Variants in SND1 observed in about 807,000 individuals in gnomAD.
SND1 encodes staphylococcal nuclease and tudor domain containing 1.
Under a neutral mutation model 121.7 loss-of-function variants are expected in SND1, and 38 were observed. The ratio of observed to expected loss-of-function variants is 0.31; its 90% CI spans 0.24 to 0.41. The LOEUF (loss-of-function observed/expected upper bound fraction) is 0.41. SND1 is among the 10% of genes least tolerant of loss of function. The pLI, the probability that SND1 is intolerant of heterozygous loss-of-function variation, is 1.00. For synonymous variants in SND1, 401 were observed against 447.4 expected (o/e 0.90, Z 1.31); for missense variants, 868 against 1,184.6 (o/e 0.73, Z 3.92).
chr7:127,828,117 C>T (rs1210655514), intron 11 of SND1, among the ~76,000 whole-genome samples: 1 of 152,144 alleles, frequency 6.6e-6, no homozygotes, highest in Non-Finnish European at 1.5e-5. Flanking sequence ...CTGCCTCAGC[C>T]TCCCAAGTAG....
intron 14 of SND1, among the ~76,000 whole-genome samples, chr7:127,925,794 C>T (rs1386752428): frequency 2.0e-5 from 3 of 151,898 alleles, no homozygotes; most frequent in East Asian, 3.9e-4. Flanking sequence ...AGGGTTTCAC[C>T]ATGTTGGCCA....
intron 10 of SND1, among the ~76,000 whole-genome samples, chr7:127,731,671 A>G (rs1587626536): frequency 6.6e-6 from 1 of 152,316 alleles, no homozygotes; most frequent in Non-Finnish European, 1.5e-5. Context: ...CCGGAGGTGC[A>G]TAGCCTCAGC....
At chr7:127,839,292 GCT>G (rs1478376227) in intron 11 of SND1, among the ~76,000 whole-genome samples, 1 of 152,100 alleles carries the variant, frequency 6.6e-6, no homozygotes, top group African/African-American at 2.4e-5. Flanking sequence ...TGTTTATTTA[GCT>G]CTTTGTGAAT....
At chr7:127,668,798 C>T (rs939945690) in intron 1 of SND1, among the ~76,000 whole-genome samples, 3 of 152,206 alleles carry the variant, frequency 2.0e-5, no homozygotes, top group African/African-American at 7.2e-5. Flanking sequence ...TCGGCATGAT[C>T]TCTAGGCAAG....
chr7:128,047,171 T>C (rs1284237369), intron 16 of SND1, among the ~76,000 whole-genome samples: 1 of 152,218 alleles, frequency 6.6e-6, no homozygotes, highest in Non-Finnish European at 1.5e-5. Context: ...AAATGACTTA[T>C]ACCAGTCAGC....
intron 1 of SND1, among the ~76,000 whole-genome samples, chr7:127,683,401 G>C (rs1481158670): frequency 1.3e-5 from 2 of 152,146 alleles, no homozygotes; most frequent in African/African-American, 4.8e-5. Flanking sequence ...ATTTTTAGTA[G>C]AGATGAGGTC....
chr7:127,957,774 C>T (rs1002292095), intron 15 of SND1, among the ~76,000 whole-genome samples: 3 of 152,186 alleles, frequency 2.0e-5, no homozygotes, highest in African/African-American at 7.2e-5. Context: ...AATCTCGGCT[C>T]ACTGCAACCT....
intron 10 of SND1, among the ~76,000 whole-genome samples, chr7:127,722,150 G>GT (rs948439863): frequency 1.3e-5 from 2 of 152,094 alleles, no homozygotes; most frequent in African/African-American, 4.8e-5. Context: ...TCCCGCTTCT[G>GT]TTTTTGTCGT....
chr7:127,920,569 A>T (rs1262449131), intron 14 of SND1, among the ~76,000 whole-genome samples: 1 of 152,156 alleles, frequency 6.6e-6, no homozygotes, highest in Non-Finnish European at 1.5e-5. Context: ...ACAGTTTGGG[A>T]TGAGGTAGGG....
chr7:127,922,352 C>T (rs1584668658), intron 14 of SND1, among the ~76,000 whole-genome samples: 2 of 151,894 alleles, frequency 1.3e-5, no homozygotes, highest in Admixed American at 6.6e-5. Flanking sequence ...ATCTATTCCT[C>T]TAACATTATT....
At chr7:127,751,872 T>C (rs1797103450) in intron 10 of SND1, among the ~76,000 whole-genome samples, 1 of 152,146 alleles carries the variant, frequency 6.6e-6, no homozygotes, top group East Asian at 1.9e-4. Flanking sequence ...CAGCCGGAGC[T>C]CTTAGTGAGG....
At chr7:127,914,018 G>T (rs2116785057) in intron 14 of SND1, among the ~76,000 whole-genome samples, 1 of 152,286 alleles carries the variant, frequency 6.6e-6, no homozygotes, top group South Asian at 2.1e-4. Context: ...GGGTTGCTTT[G>T]AAATGCCCTG....
At chr7:128,030,265 T>G in intron 16 of SND1, 1 of 1,614,034 alleles carries the variant, frequency 6.2e-7, no homozygotes, top group Non-Finnish European at 8.5e-7. Context: ...TCCAGGGTGT[T>G]GAGGCTGGCC....
intron 16 of SND1, among the ~76,000 whole-genome samples, chr7:128,055,035 A>T (rs73721290): frequency 0.017 from 2,588 of 152,342 alleles, 87 homozygotes; most frequent in African/African-American, 0.059. Context: ...CAGGATGGTT[A>T]TGAGTTTTAA....
chr7:128,092,215 CG>C lies in SND1; in HGVS notation c.*161del. 1.3e-6 allele frequency: 1 copy of C among 759,340 alleles called. No homozygotes were observed. The highest frequency in any genetic ancestry group is 2.1e-6 in the Non-Finnish European group (1 of 469,354). The allele number at this position is 759,340 out of a possible 1,614,324, so 47.0% of individuals were successfully genotyped here. On this transcript the variant is annotated 3_prime_UTR_variant, in exon 24 of 24. Transcript: ENST00000354725. This position sits in a 1 kb window ranked among gnomAD's most constrained non-coding sequence, Gnocchi z 4.9. ...GTCTCGTGGGGTGGCATCGGGGCTG[CG>C]GGGTGGGGACCCCAAGGCTTTCTGG...
At chr7:128,021,634 T>A (rs1445562122) in intron 16 of SND1, among the ~76,000 whole-genome samples, 1 of 152,112 alleles carries the variant, frequency 6.6e-6, no homozygotes, top group East Asian at 1.9e-4. Flanking sequence ...ACTTATCTAG[T>A]GACTAAATCA....
At chr7:127,703,752 T>C (rs796919400) in intron 7 of SND1, among the ~76,000 whole-genome samples, 15 of 152,316 alleles carry the variant, frequency 9.8e-5, no homozygotes, top group African/African-American at 3.6e-4. Flanking sequence ...TATCTGCTGA[T>C]TTTTGAGGCA....
chr7:127,686,737 C>T lies in SND1; in HGVS notation c.203C>T (p.Pro68Leu), dbSNP rs1408777782. Reference protein sequence around the residue: ...NLARRAAATQPDAKDTPDEPW... With the variant: ...NLARRAAATQLDAKDTPDEPW... ...GCTCGCCGGGCAGCCGCCACACAAC[C>T]TGATGCAAAGGATACCCCTGATGAG... is the stretch of plus-strand genomic sequence containing the variant. The change falls in exon 2 of 24, where the codon CCT (proline) becomes CTT (leucine). Residue 68 changes from proline (P) to leucine (L), a missense_variant. Physicochemically the swap from Pro to Leu is moderately conservative, Grantham distance 98. This residue lies in a region of SND1 where 125 missense variants were observed against 113.3 expected (regional missense o/e 1.10). Transcript: ENST00000354725. 11 of 1,614,062 alleles carry T rather than the reference C, an allele frequency of 6.8e-6. No individual in the cohort carries two copies. The highest frequency in any genetic ancestry group is 8.5e-6 in the Non-Finnish European group (10 of 1,179,898).
chr7:127,659,331 GAA>G (rs1160709644), intron 1 of SND1, among the ~76,000 whole-genome samples: 1 of 152,070 alleles, frequency 6.6e-6, no homozygotes, highest in Non-Finnish European at 1.5e-5. Context: ...TAATGTTTAA[GAA>G]AAAAATGAAC....
Sources: gnomAD v4.1 joint callset for allele counts (sites outside exome capture counted in the v4.1 genomes callset) on GRCh38, gnomAD v4.1.1 for gene constraint, gnomAD v4.1.1 regional missense constraint, Gnocchi (gnomAD v3.1) non-coding constraint, MANE v1.5 for transcripts, NCBI Gene and HGNC (gene_info 2026-07-23, HGNC 2026-07-21) for gene names.